SFSWAP: variants seen among roughly 807,000 people sequenced by gnomAD.
The protein encoded by SFSWAP is splicing factor SWAP.
Under a neutral mutation model 100.7 loss-of-function variants are expected in SFSWAP, and 17 were observed. The observed-to-expected ratio is 0.17, with a 90% CI of 0.12 to 0.25. The LOEUF (loss-of-function observed/expected upper bound fraction) is 0.25. Among genes scored for constraint, SFSWAP ranks in the 10% least tolerant of loss-of-function variants. The pLI is 1.00. For missense variants in SFSWAP, 1,005 were observed against 1,262.6 expected (o/e 0.80, Z 3.09); for synonymous variants, 504 against 510.1 (o/e 0.99, Z 0.16).
Position 131,792,154 on chromosome 12 carries a change from C to G in SFSWAP, c.2535-5024C>G, listed in dbSNP as rs115604836. Among the ~76,000 whole-genome samples, 1,414 of 148,132 alleles carry G rather than the reference C, an allele frequency of 9.5e-3. 27 individuals carry two copies. Among genetic ancestry groups the G allele is most frequent in the African/African-American group, 0.035 (1,360 of 38,908 alleles). Reference sequence around the variant, plus strand: ...GCACGTGTGTGTTCACGGATCGTTACTGTGTGTGCACCCGTGTGTGTTCAC... The same window carrying G: ...GCACGTGTGTGTTCACGGATCGTTAGTGTGTGTGCACCCGTGTGTGTTCAC... On this transcript the variant is annotated intron_variant, in intron 15 of 17. Coordinates refer to ENST00000261674, the MANE Select transcript of SFSWAP (RefSeq NM_004592.4).
intron 14 of SFSWAP, chr12:131,784,027 A>G (rs961543553): frequency 6.6e-6 from 1 of 151,860 alleles, no homozygotes; most frequent in African/African-American, 2.4e-5. Context: ...GCGATGACTC[A>G]TCTCCTAATC....
At chr12:131,754,831 C>T (rs957427602) in intron 9 of SFSWAP, among the ~76,000 whole-genome samples, 3 of 151,960 alleles carry the variant, frequency 2.0e-5, no homozygotes, top group African/African-American at 4.8e-5. Flanking sequence ...CAGGGTTTCA[C>T]TGTGTTGGCC....
chr12:131,785,344 C>CA, intron 14 of SFSWAP: 2 of 980,588 alleles, frequency 2.0e-6, no homozygotes, highest in Non-Finnish European at 3.0e-6. Context: ...TCCAGGATGC[C>CA]GGGGTCTGAG....
chr12:131,756,343 T>C, intron 10 of SFSWAP, 130 bp from the exon 11 acceptor site: 3 of 742,922 alleles, frequency 4.0e-6, no homozygotes, highest in Non-Finnish European at 6.7e-6. Context: ...GGAAGTCTGT[T>C]CCCAGTGCTG....
chr12:131,775,839 C>T (rs1053770084), intron 13 of SFSWAP, among the ~76,000 whole-genome samples: 11 of 151,390 alleles, frequency 7.3e-5, no homozygotes. Context: ...CCCGTAATCT[C>T]AGCACTTTGG....
chr12:131,748,274 C>T (rs1474757072), intron 7 of SFSWAP, among the ~76,000 whole-genome samples: 1 of 150,398 alleles, frequency 6.6e-6, no homozygotes, highest in Non-Finnish European at 1.5e-5. Context: ...GCAGCCTCCA[C>T]CTCCCGGGTT....
intron 1 of SFSWAP, chr12:131,713,540 A>C (rs1565998581): frequency 6.6e-6 from 1 of 152,390 alleles, no homozygotes; most frequent in Non-Finnish European, 1.5e-5. Flanking sequence ...GGGCGAGCCT[A>C]GCCAAGATTT....
intron 8 of SFSWAP, chr12:131,753,583 A>G (rs1881871957): frequency 1.7e-6 from 1 of 594,758 alleles, no homozygotes; most frequent in East Asian, 2.8e-5. Context: ...CCACTTATAA[A>G]GTTGAATTCA....
chr12:131,786,373 C>T (rs1175271260), intron 14 of SFSWAP, 90 bp from the exon 15 acceptor site: 9 of 1,450,488 alleles, frequency 6.2e-6, no homozygotes, highest in Admixed American at 2.2e-5. Flanking sequence ...CCTCTGCAGA[C>T]GGGGCCTGAT....
At chr12:131,736,599 G>T (rs977403994) in intron 7 of SFSWAP, among the ~76,000 whole-genome samples, 1 of 152,052 alleles carries the variant, frequency 6.6e-6, no homozygotes, top group Non-Finnish European at 1.5e-5. Flanking sequence ...CCTGAAATCC[G>T]TAGTAAACAC....
At position 131,781,234 on chromosome 12, in the gene SFSWAP, A is replaced by ATT. The variant is rs66608201; in HGVS notation, c.2408+2926_2408+2927dup. On this transcript the variant is annotated intron_variant, in intron 14 of 17. Transcript: ENST00000261674. The stretch of plus-strand genomic sequence containing the variant: ...TTCACATATGCAAATATATCTTATT[A>ATT]TTTTTTTTTTTTTTTTTTTTTTTGA... 6.2e-3 allele frequency among the ~76,000 whole-genome samples: 634 copies of ATT among 102,190 alleles called. 12 individuals are homozygous for ATT. The highest frequency in any genetic ancestry group is 0.02 in the African/African-American group (580 of 28,752). The allele number at this position is 102,190 out of a possible 152,430, so 67.0% of individuals were successfully genotyped here. A position where few individuals can be genotyped will look rare whatever the true frequency, so the allele number is the denominator to read the frequency against.
chr12:131,793,363 C>A (rs1263097874), intron 15 of SFSWAP, among the ~76,000 whole-genome samples: 1 of 152,262 alleles, frequency 6.6e-6, no homozygotes, highest in Admixed American at 6.5e-5. Flanking sequence ...TGACTGCAGG[C>A]ATGAGCCACA....
At chr12:131,774,448 G>A (rs1331386395) in intron 13 of SFSWAP, among the ~76,000 whole-genome samples, 2 of 152,166 alleles carry the variant, frequency 1.3e-5, no homozygotes, top group East Asian at 3.8e-4. Context: ...TTACAGAAGT[G>A]GCCGGCGGTA....
At chr12:131,798,450 G>A (rs561329258) in intron 16 of SFSWAP, among the ~76,000 whole-genome samples, 22 of 152,338 alleles carry the variant, frequency 1.4e-4, no homozygotes, top group Admixed American at 5.9e-4. Flanking sequence ...AGGCTCCACC[G>A]TTCTGCTGAG....
intron 15 of SFSWAP, among the ~76,000 whole-genome samples, chr12:131,787,671 A>G (rs987303348): frequency 2.0e-5 from 3 of 152,054 alleles, no homozygotes; most frequent in African/African-American, 7.2e-5. Context: ...CGAGCCTTAC[A>G]TTGCCAGGAT....
chr12:131,765,986 G>A, intron 12 of SFSWAP, 132 bp from the exon 13 acceptor site: 2 of 824,820 alleles, frequency 2.4e-6, no homozygotes, highest in South Asian at 2.0e-5. Context: ...AATTTGATTT[G>A]TCCAATGTAT....
At chr12:131,746,919 A>T (rs1230755968) in intron 7 of SFSWAP, among the ~76,000 whole-genome samples, 1 of 152,100 alleles carries the variant, frequency 6.6e-6, no homozygotes, top group Admixed American at 6.5e-5. Context: ...CCTGGCTAAC[A>T]CGGTGAAACC....
Position 131,714,087 on chromosome 12 carries a change from C to A in SFSWAP, c.235C>A (p.His79Asn). The change falls in exon 2 of 18, where the codon CAC becomes AAC. Residue 79 changes from histidine to asparagine, a missense_variant. Physicochemically the swap from His to Asn is moderately conservative, Grantham distance 68. Coordinates refer to ENST00000261674, the MANE Select transcript of SFSWAP (RefSeq NM_004592.4). This position sits in a 1 kb window ranked among gnomAD's most constrained non-coding sequence, Gnocchi z 6.0. ...ILIDRYDGRG[H>N]LHDLSEYDAE... ...ACATTACAGATATGATGGACGTGGTCACCTGCATGACCTTTCTGAGTACGA... is the reference window on the plus strand; with the variant it reads ...ACATTACAGATATGATGGACGTGGTAACCTGCATGACCTTTCTGAGTACGA... The A allele has an allele frequency of 6.2e-7, 1 of 1,613,336 alleles. No individual in the cohort carries two copies.
At chr12:131,772,601 G>A (rs903153396) in intron 13 of SFSWAP, among the ~76,000 whole-genome samples, 2 of 152,136 alleles carry the variant, frequency 1.3e-5, no homozygotes, top group Admixed American at 1.3e-4. Flanking sequence ...TCTCCTCTCT[G>A]GCGGGAGCAG....
Sources: allele counts gnomAD v4.1 joint callset (sites outside exome capture counted in the v4.1 genomes callset), GRCh38; gene constraint gnomAD v4.1.1; non-coding constraint Gnocchi (gnomAD v3.1); transcripts MANE v1.5; gene names NCBI Gene and HGNC (gene_info 2026-07-23, HGNC 2026-07-21).